Variants in ALKBH5 observed in about 807,000 individuals in gnomAD.
ALKBH5 encodes alkB homolog 5, RNA demethylase.
Under a neutral mutation model 32.1 loss-of-function variants are expected in ALKBH5, and 2 were observed. The ratio of observed to expected loss-of-function variants is 0.06; its 90% CI spans 0.03 to 0.20. The LOEUF (loss-of-function observed/expected upper bound fraction) is 0.20. ALKBH5 is among the 10% of genes least tolerant of loss of function. The probability of loss-of-function intolerance (pLI) is 1.00; values close to 1 mark genes in which losing one functional copy is unlikely to be tolerated. For missense variants in ALKBH5, 352 were observed against 559.5 expected (o/e 0.63, Z 3.74); for synonymous variants, 300 against 231.7 (o/e 1.29, Z -2.68).
rs1249482362 is a variant in ALKBH5 at position 18,208,610 on chromosome 17, T to C, written c.*214T>C. On this transcript the variant is annotated 3_prime_UTR_variant, in exon 4 of 4. Transcript: ENST00000399138. ...GTTCTCATATTCTTGGTATTCCTCC[T>C]GGATGGAAAGGCTGTTGGCATCAAT... is the stretch of plus-strand genomic sequence containing the variant. The C allele has an allele frequency of 1.5e-6, 1 of 674,414 alleles. No individual in the cohort carries two copies. The highest frequency in any genetic ancestry group is 1.8e-5 in the African/African-American group (1 of 55,458). The allele number at this position is 674,414 out of a possible 1,614,324, so 41.8% of individuals were successfully genotyped here.
At chr17:18,196,557 G>A (rs1443290325) in intron 2 of ALKBH5, among the ~76,000 whole-genome samples, 2 of 152,170 alleles carry the variant, frequency 1.3e-5, no homozygotes, top group African/African-American at 4.8e-5. Flanking sequence ...GTTAGGTATT[G>A]TATAGAAAAT....
intron 2 of ALKBH5, among the ~76,000 whole-genome samples, chr17:18,199,259 G>T (rs985587808): frequency 1.3e-5 from 2 of 152,174 alleles, no homozygotes; most frequent in African/African-American, 4.8e-5. Flanking sequence ...GCAAGCTGCC[G>T]CAGCATGCAA....
chr17:18,198,602 G>A (rs547023289), intron 2 of ALKBH5, among the ~76,000 whole-genome samples: 4 of 152,262 alleles, frequency 2.6e-5, no homozygotes, highest in East Asian at 1.9e-4. Context: ...AGTTAGAGCC[G>A]GTCCTGCCTT....
intron 1 of ALKBH5, 116 bp downstream of exon 1, chr17:18,185,129 C>T: frequency 2.7e-6 from 4 of 1,480,742 alleles, no homozygotes; most frequent in East Asian, 2.3e-5. Context: ...ACCAGTTCTT[C>T]TGTTTGTAGA....
At position 18,183,986 on chromosome 17, in the gene ALKBH5, G is replaced by C. The variant is rs1315296712; in HGVS notation, c.-258G>C. Reference sequence around the variant, plus strand: ...GCCCTCCGCGGCATGAGGCGCTGCCGGCGCCCCTGCCCCGCGGGACGTGGA... The same window carrying C: ...GCCCTCCGCGGCATGAGGCGCTGCCCGCGCCCCTGCCCCGCGGGACGTGGA... On this transcript the variant is annotated 5_prime_UTR_variant, in exon 1 of 4. Coordinates refer to ENST00000399138, the MANE Select transcript of ALKBH5 (RefSeq NM_017758.4). 2 of 644,412 alleles carry C rather than the reference G, an allele frequency of 3.1e-6. No homozygotes were observed. The highest frequency in any genetic ancestry group is 1.9e-5 in the African/African-American group (1 of 53,384). The allele number at this position is 644,412 out of a possible 1,614,324, so 39.9% of individuals were successfully genotyped here.
chr17:18,201,831 AGATAGATGATAGATAGATTGATT>A (rs879396630), intron 2 of ALKBH5, among the ~76,000 whole-genome samples: 3,796 of 105,986 alleles, frequency 0.036, 61 homozygotes, highest in Non-Finnish European at 0.049. Context: ...ATAGATAGAT[AGATAGATGATAGATAGATTGATT>A]GATTGATTTA....
At chr17:18,200,978 G>A (rs1453601664) in intron 2 of ALKBH5, among the ~76,000 whole-genome samples, 1 of 151,700 alleles carries the variant, frequency 6.6e-6, no homozygotes, top group Non-Finnish European at 1.5e-5. Context: ...TGTAGGAAGC[G>A]AAGCTCAATA....
At position 18,184,148 on chromosome 17, in the gene ALKBH5, C is replaced by A; in HGVS notation, c.-96C>A. On this transcript the variant is annotated 5_prime_UTR_variant, in exon 1 of 4. Transcript: ENST00000399138. Reference sequence around the variant, plus strand: ...CGCATGGGGGTTCGGCGCTAAGGACCCCCCTCCCTCCGGGGGCCCCGGGGC... The same window carrying A: ...CGCATGGGGGTTCGGCGCTAAGGACACCCCTCCCTCCGGGGGCCCCGGGGC... 1 of 1,133,282 alleles carries A rather than the reference C, an allele frequency of 8.8e-7. No homozygotes were observed. The highest frequency in any genetic ancestry group is 1.2e-6 in the Non-Finnish European group (1 of 817,140). The allele number at this position is 1,133,282 out of a possible 1,614,324, so 70.2% of individuals were successfully genotyped here.
intron 2 of ALKBH5, among the ~76,000 whole-genome samples, chr17:18,198,558 T>C (rs1233569763): frequency 6.6e-6 from 1 of 152,194 alleles, no homozygotes; most frequent in Non-Finnish European, 1.5e-5. Flanking sequence ...GGGTAGAATC[T>C]GGGCATTGAG....
At chr17:18,186,638 AT>A (rs2047141333) in intron 1 of ALKBH5, among the ~76,000 whole-genome samples, 1 of 152,162 alleles carries the variant, frequency 6.6e-6, no homozygotes, top group African/African-American at 2.4e-5. Context: ...AGTTCTTAGT[AT>A]GCAGGTCTGT....
In ALKBH5 at chr17:18,206,799, C is replaced by T. The variant is rs767316630; in HGVS notation, c.852-16C>T. The T allele has an allele frequency of 1.2e-6, 2 of 1,613,214 alleles. No individual in the cohort carries two copies. The highest frequency in any genetic ancestry group is 1.7e-5 in the Admixed American group (1 of 59,976). On this transcript the variant is annotated splice_polypyrimidine_tract_variant and intron_variant, in intron 2 of 3. Transcript: ENST00000399138. ...CCGGAGGCCCTTTGGTGACCCCATG[C>T]ATGTTTCCTTTGCAGGACAAGATTA...
intron 1 of ALKBH5, 103 bp downstream of exon 1, chr17:18,185,116 C>T: frequency 2.0e-6 from 3 of 1,497,574 alleles, no homozygotes; most frequent in Non-Finnish European, 8.9e-7. Context: ...TTTTACAGTT[C>T]TGACCAGTTC....
intron 2 of ALKBH5, among the ~76,000 whole-genome samples, chr17:18,201,854 T>A (rs71372273): frequency 0.014 from 1,005 of 74,216 alleles, 2 homozygotes; most frequent in Middle Eastern, 0.021. Flanking sequence ...ATAGATTGAT[T>A]GATTGATTTA....
intron 2 of ALKBH5, among the ~76,000 whole-genome samples, chr17:18,195,744 CT>C (rs2047200971): frequency 6.6e-6 from 1 of 152,200 alleles, no homozygotes; most frequent in Non-Finnish European, 1.5e-5. Context: ...CTCAAGCTCT[CT>C]TCCTGCTTCA....
intron 1 of ALKBH5, among the ~76,000 whole-genome samples, chr17:18,188,962 G>A (rs952563924): frequency 1.3e-5 from 2 of 152,170 alleles, no homozygotes; most frequent in African/African-American, 4.8e-5. Context: ...AGCTACTCAG[G>A]AGGCTGAGGC....
chr17:18,203,994 G>T (rs1161587915), intron 2 of ALKBH5, among the ~76,000 whole-genome samples: 2 of 152,180 alleles, frequency 1.3e-5, no homozygotes, highest in African/African-American at 4.8e-5. Flanking sequence ...CTGAACATGG[G>T]CTCCCTGGCA....
intron 1 of ALKBH5, among the ~76,000 whole-genome samples, chr17:18,189,929 A>G (rs1465849315): frequency 2.0e-5 from 3 of 152,212 alleles, no homozygotes; most frequent in Non-Finnish European, 2.9e-5. Context: ...AAGTTAGGCC[A>G]TGGGTCGTCT....
At position 18,184,432 on chromosome 17, in the gene ALKBH5, C is replaced by G; in HGVS notation, c.189C>G (p.Asp63Glu). Residue 63 changes from aspartate (D) to glutamate (E), a missense_variant, in exon 1 of 4, where the codon GAC (aspartate) becomes GAG (glutamate). Asp to Glu is a conservative substitution (Grantham distance 45). Around this residue, in one of 4 missense-constraint regions of ALKBH5, gnomAD observed 144 missense variants for 125.8 expected, o/e 1.14. Transcript: ENST00000399138. ...VSGAKRKYQE[D>E]SDPERSDYEE... ...GGGCCAAGCGCAAGTATCAGGAGGACTCGGACCCCGAGCGCAGCGACTATG... is the reference window on the plus strand; with the variant it reads ...GGGCCAAGCGCAAGTATCAGGAGGAGTCGGACCCCGAGCGCAGCGACTATG... The G allele has an allele frequency of 6.3e-7, 1 of 1,597,588 alleles. No individual in the cohort carries two copies. The highest frequency in any genetic ancestry group is 1.1e-5 in the South Asian group (1 of 89,664).
intron 1 of ALKBH5, among the ~76,000 whole-genome samples, chr17:18,187,118 G>A (rs1184868378): frequency 1.3e-5 from 2 of 152,086 alleles, no homozygotes; most frequent in Non-Finnish European, 2.9e-5. Flanking sequence ...CCTCAGACAG[G>A]AGGATAAGTT....
Sources: allele counts gnomAD v4.1 joint callset (sites outside exome capture counted in the v4.1 genomes callset), GRCh38; gene constraint gnomAD v4.1.1; regional missense constraint gnomAD v4.1.1; transcripts MANE v1.5; gene names NCBI Gene and HGNC (gene_info 2026-07-23, HGNC 2026-07-21).